SCFD2: variants seen among roughly 807,000 people sequenced by gnomAD.
SCFD2 encodes the protein sec1 family domain-containing protein 2.
Under a neutral mutation model 58.9 loss-of-function variants are expected in SCFD2, and 54 were observed. The ratio of observed to expected loss-of-function variants is 0.92; its 90% CI spans 0.74 to 1.15. The LOEUF is 1.15. SCFD2 is among the 50% of genes most tolerant of loss of function. The pLI, the probability that SCFD2 is intolerant of heterozygous loss-of-function variation, is 0.00. For synonymous variants in SCFD2, 321 were observed against 335.9 expected (o/e 0.96, Z 0.49); for missense variants, 805 against 836.6 (o/e 0.96, Z 0.47).
At position 53,313,973 on chromosome 4, in the gene SCFD2, GA is replaced by G. The variant is rs1045894800; in HGVS notation, c.1008-211del. 1.4e-4 allele frequency among the ~76,000 whole-genome samples: 21 copies of G among 151,986 alleles called. No individual in the cohort carries two copies. The South Asian group carries it at 2.1e-3, about 15-fold the overall frequency. On this transcript the variant is annotated intron_variant, in intron 2 of 8. Transcript: ENST00000401642. ...AATTAAGGAAACAATAAAATCAAGT[GA>G]AAAAAAGGGAAGAAAAGCTGTACTG... is the stretch of plus-strand genomic sequence containing the variant.
Position 52,992,271 on chromosome 4 carries a change from T to C in SCFD2, c.1562-71401A>G, listed in dbSNP as rs373498757. Among the ~76,000 whole-genome samples the C allele has an allele frequency of 9.2e-5, 14 of 152,336 alleles. 1 individual carries two copies. The East Asian group carries it at 1.9e-3, about 21-fold the overall frequency. On this transcript the variant is annotated intron_variant, in intron 5 of 8. Transcript: ENST00000401642. ...CTCCAGCTCCTAACCGCGAGTGATC[T>C]GCCAGCCTCGGCCTCCTGAGGTGCC...
At chr4:53,300,062 A>G (rs1175511262) in intron 3 of SCFD2, among the ~76,000 whole-genome samples, 2 of 152,224 alleles carry the variant, frequency 1.3e-5, no homozygotes, top group African/African-American at 4.8e-5. Flanking sequence ...AAAACTAGCT[A>G]ACATCATAAT....
chr4:53,170,919 G>A (rs553740144), intron 4 of SCFD2, among the ~76,000 whole-genome samples: 6 of 152,256 alleles, frequency 3.9e-5, no homozygotes, highest in Non-Finnish European at 5.9e-5. Flanking sequence ...AGTTCTAACA[G>A]CTTTTAGTGA....
intron 4 of SCFD2, among the ~76,000 whole-genome samples, chr4:53,263,705 G>A (rs77064470): frequency 0.098 from 14,996 of 152,250 alleles, 867 homozygotes; most frequent in East Asian, 0.23. Flanking sequence ...TTTGTTTAGC[G>A]CACTGTTTTC....
intron 1 of SCFD2, among the ~76,000 whole-genome samples, chr4:53,360,307 T>C (rs1235213816): frequency 6.6e-6 from 1 of 152,218 alleles, no homozygotes; most frequent in Non-Finnish European, 1.5e-5. Flanking sequence ...TTATCAGTTA[T>C]TAGGATCACA....
At chr4:52,933,805 T>C (rs533463390) in intron 5 of SCFD2, among the ~76,000 whole-genome samples, 4 of 152,334 alleles carry the variant, frequency 2.6e-5, no homozygotes, top group African/African-American at 9.6e-5. Flanking sequence ...TGTTAGAAAC[T>C]TAATTTCCAA....
intron 5 of SCFD2, among the ~76,000 whole-genome samples, chr4:52,985,852 C>CA (rs1218036441): frequency 6.6e-6 from 1 of 151,662 alleles, no homozygotes; most frequent in African/African-American, 2.4e-5. Flanking sequence ...CAAAGCCCTA[C>CA]ATGTACTAGG....
At chr4:53,096,780 G>A (rs1724650953) in intron 5 of SCFD2, among the ~76,000 whole-genome samples, 1 of 152,184 alleles carries the variant, frequency 6.6e-6, no homozygotes, top group South Asian at 2.1e-4. Flanking sequence ...TAGTCAGGAA[G>A]TCCTTGCCCA....
At chr4:53,331,026 A>C (rs1733440377) in intron 2 of SCFD2, among the ~76,000 whole-genome samples, 1 of 151,722 alleles carries the variant, frequency 6.6e-6, no homozygotes, top group Non-Finnish European at 1.5e-5. Flanking sequence ...TAAAGGGATC[A>C]ATTCAACAAG....
intron 3 of SCFD2, among the ~76,000 whole-genome samples, chr4:53,285,730 G>T (rs927323955): frequency 2.6e-5 from 4 of 152,016 alleles, no homozygotes; most frequent in African/African-American, 9.7e-5. Context: ...GTCAGGATCT[G>T]CTCAGAACCA....
At chr4:53,160,879 T>C (rs776570150) in intron 4 of SCFD2, among the ~76,000 whole-genome samples, 9 of 152,316 alleles carry the variant, frequency 5.9e-5, no homozygotes, top group Non-Finnish European at 1.2e-4. Context: ...TGAGAAATAG[T>C]GAAGTCCTTG....
intron 4 of SCFD2, among the ~76,000 whole-genome samples, chr4:53,256,149 G>A (rs1191753342): frequency 2.7e-5 from 4 of 150,248 alleles, no homozygotes; most frequent in African/African-American, 9.8e-5. Context: ...CCGGACGGAG[G>A]GGCTCCTCAC....
intron 8 of SCFD2, among the ~76,000 whole-genome samples, chr4:52,884,604 T>A (rs4864690): frequency 0.2 from 31,034 of 152,070 alleles, 3,231 homozygotes; most frequent in East Asian, 0.27. Context: ...CTTCTGCTTC[T>A]TGGGATCATC....
intron 3 of SCFD2, among the ~76,000 whole-genome samples, chr4:53,295,995 T>A (rs1308041200): frequency 6.6e-6 from 1 of 152,240 alleles, no homozygotes; most frequent in East Asian, 1.9e-4. Context: ...GCTGGCTTGA[T>A]CATGGTGGAT....
Position 52,885,837 on chromosome 4 carries a change from G to T in SCFD2, c.1872C>A (p.Pro624=), listed in dbSNP as rs374773680. 10 of 1,613,950 alleles carry T rather than the reference G, an allele frequency of 6.2e-6. No homozygotes were observed. Among genetic ancestry groups the T allele is most frequent in the Admixed American group, 1.7e-5 (1 of 59,996 alleles). Residue 624 remains proline (P), a synonymous_variant, in exon 8 of 9, where the codon CCC becomes CCA. Coordinates refer to ENST00000401642, the MANE Select transcript of SCFD2 (RefSeq NM_152540.4). Reference sequence around the variant, plus strand: ...CACCTACCACAAAGAGGATCAGGAGGGGGTAGTCACTAGGATGAGGCCGGC... The same window carrying T: ...CACCTACCACAAAGAGGATCAGGAGTGGGTAGTCACTAGGATGAGGCCGGC... ...KVSRPHPSDY[P]LLILFVVGGV...
At chr4:53,098,014 A>C (rs1232018147) in intron 5 of SCFD2, among the ~76,000 whole-genome samples, 2 of 152,172 alleles carry the variant, frequency 1.3e-5, no homozygotes, top group Non-Finnish European at 1.5e-5. Flanking sequence ...ATGCTGGTTT[A>C]CGTTTACTGA....
intron 3 of SCFD2, among the ~76,000 whole-genome samples, chr4:53,282,212 T>C (rs2149077803): frequency 6.6e-6 from 1 of 152,250 alleles, no homozygotes; most frequent in East Asian, 1.9e-4. Context: ...TGAATACAGT[T>C]TTCTTCTGTC....
At chr4:53,127,620 G>A (rs940048149) in intron 5 of SCFD2, among the ~76,000 whole-genome samples, 1 of 152,224 alleles carries the variant, frequency 6.6e-6, no homozygotes, top group African/African-American at 2.4e-5. Flanking sequence ...GGAGTTGTCT[G>A]AGCTGAGCTC....
At chr4:53,161,175 A>T (rs1726841341) in intron 4 of SCFD2, among the ~76,000 whole-genome samples, 1 of 152,184 alleles carries the variant, frequency 6.6e-6, no homozygotes, top group South Asian at 2.1e-4. Flanking sequence ...AGAGAGCAAA[A>T]GAGGGGCTTC....
Sources: allele counts gnomAD v4.1 joint callset (sites outside exome capture counted in the v4.1 genomes callset), GRCh38; gene constraint gnomAD v4.1.1; transcripts MANE v1.5; gene names NCBI Gene and HGNC (gene_info 2026-07-23, HGNC 2026-07-21).